The following PARD3B variants were observed in gnomAD, a reference collection of about 807,000 sequenced individuals.
PARD3B encodes par-3 family cell polarity regulator beta, also known as partitioning defective 3 homolog B.
PARD3B carries 103 observed loss-of-function variants against 130.2 expected under a neutral mutation model. That is an observed-to-expected ratio of 0.79 (90% CI 0.67 to 0.93). The LOEUF (loss-of-function observed/expected upper bound fraction) is 0.93. Ranked by LOEUF, PARD3B falls within the 40% of genes least tolerant of loss-of-function variation. The probability of loss-of-function intolerance (pLI) is 0.00; values close to 1 mark genes in which losing one functional copy is unlikely to be tolerated. For missense variants in PARD3B, 1,609 were observed against 1,499.2 expected, an observed-to-expected ratio of 1.07 and a Z score of -1.21; for synonymous variants, 583 against 553.2, an observed-to-expected ratio of 1.05 and a Z score of -0.76.
rs1425769353 is a variant in PARD3B at position 205,617,677 on chromosome 2, T to G, written c.*1864T>G. The G allele has an allele frequency of 6.6e-6, 1 of 152,210 alleles. No individual in the cohort carries two copies. Among genetic ancestry groups the G allele is most frequent in the South Asian group, 2.1e-4 (1 of 4,830 alleles). The allele number at this position is 152,210 out of a possible 1,614,324, so 9.4% of individuals were successfully genotyped here. On this transcript the variant is annotated 3_prime_UTR_variant, in exon 23 of 23. Coordinates refer to ENST00000406610, the MANE Select transcript of PARD3B (RefSeq NM_001302769.2). ...AGGCACCTTTAGAGTGTTTGCAATTTGTTCGAAGTGGTTGAGGATCTCAGG... is the reference window on the plus strand; with the variant it reads ...AGGCACCTTTAGAGTGTTTGCAATTGGTTCGAAGTGGTTGAGGATCTCAGG...
chr2:204,834,342 T>A (rs1464758644), intron 2 of PARD3B, among the ~76,000 whole-genome samples: 1 of 152,136 alleles, frequency 6.6e-6, no homozygotes, highest in Non-Finnish European at 1.5e-5. Flanking sequence ...GGTGTTTGGA[T>A]GGAAGAGGAA....
At chr2:205,163,959 C>CA (rs1457811594) in intron 11 of PARD3B, among the ~76,000 whole-genome samples, 3 of 152,140 alleles carry the variant, frequency 2.0e-5, no homozygotes, top group African/African-American at 7.2e-5. Flanking sequence ...TTACCTCTGG[C>CA]AAAAGGACCA....
chr2:205,403,177 A>ACGTGATTCAAGCCATCCTGTTGCTTACTT (rs2046311380), intron 19 of PARD3B, among the ~76,000 whole-genome samples: 1 of 152,220 alleles, frequency 6.6e-6, no homozygotes, highest in Non-Finnish European at 1.5e-5. Context: ...TGTTTCTTTG[A>ACGTGATTCAAGCCATCCTGTTGCTTACTT]CGTGATTCAA....
Position 205,164,822 on chromosome 2 carries a change from T to TACGCACACACAC in PARD3B, c.1620+5917_1620+5918insGCACACACACAC, listed in dbSNP as rs71409002. 2.2e-4 allele frequency among the ~76,000 whole-genome samples: 33 copies of TACGCACACACAC among 147,352 alleles called. 1 individual carries two copies. Among genetic ancestry groups the TACGCACACACAC allele is most frequent in the Non-Finnish European group, 2.7e-4 (18 of 67,018 alleles). ...GGTACCTATAGGCCATATATATGTA[T>TACGCACACACAC]ACACACACACACACACACACACACA... On this transcript the variant is annotated intron_variant, in intron 11 of 22. Coordinates refer to ENST00000406610, the MANE Select transcript of PARD3B (RefSeq NM_001302769.2).
chr2:204,561,602 T>TC (rs1378547306), intron 1 of PARD3B, among the ~76,000 whole-genome samples: 1 of 151,512 alleles, frequency 6.6e-6, no homozygotes, highest in Non-Finnish European at 1.5e-5. Context: ...GTATTTTTTT[T>TC]TTTTTTTTTT....
chr2:204,951,547 C>T (rs1689772296), intron 2 of PARD3B, among the ~76,000 whole-genome samples: 1 of 152,156 alleles, frequency 6.6e-6, no homozygotes, highest in African/African-American at 2.4e-5. Context: ...TTTAAGTTCA[C>T]TTTGTGTATT....
chr2:204,690,861 T>C (rs1388986130), intron 2 of PARD3B, among the ~76,000 whole-genome samples: 1 of 152,178 alleles, frequency 6.6e-6, no homozygotes, highest in Non-Finnish European at 1.5e-5. Flanking sequence ...CAGGATGAGA[T>C]AAATGCTTTG....
intron 15 of PARD3B, among the ~76,000 whole-genome samples, chr2:205,228,741 A>C: frequency 6.6e-6 from 1 of 152,010 alleles, no homozygotes; most frequent in Non-Finnish European, 1.5e-5. Flanking sequence ...AATAACTCTT[A>C]GATTTGCTCT....
chr2:204,804,465 T>C (rs1358325707), intron 2 of PARD3B, among the ~76,000 whole-genome samples: 2 of 152,170 alleles, frequency 1.3e-5, no homozygotes, highest in African/African-American at 2.4e-5. Flanking sequence ...TAAATATACA[T>C]GCACCCAACA....
chr2:204,609,270 T>C (rs1240261581), intron 1 of PARD3B, among the ~76,000 whole-genome samples: 1 of 152,164 alleles, frequency 6.6e-6, no homozygotes, highest in Non-Finnish European at 1.5e-5. Context: ...TATTCTGCAA[T>C]TGGAAAATGG....
At chr2:205,468,813 A>G (rs886859477) in intron 20 of PARD3B, among the ~76,000 whole-genome samples, 1 of 152,128 alleles carries the variant, frequency 6.6e-6, no homozygotes. Flanking sequence ...CCCTACATGC[A>G]TTTCCTTTAA....
chr2:204,844,407 C>A (rs2044380566), intron 2 of PARD3B, among the ~76,000 whole-genome samples: 1 of 151,876 alleles, frequency 6.6e-6, no homozygotes, highest in African/African-American at 2.4e-5. Context: ...TGTAAAAATG[C>A]AAAATTTTAT....
intron 2 of PARD3B, among the ~76,000 whole-genome samples, chr2:204,824,573 C>T: frequency 6.6e-6 from 1 of 152,080 alleles, no homozygotes; most frequent in East Asian, 1.9e-4. Flanking sequence ...ATAGAGCTGC[C>T]AGAACTTCTC....
At chr2:204,980,004 T>C (rs1692529309) in intron 3 of PARD3B, among the ~76,000 whole-genome samples, 1 of 152,140 alleles carries the variant, frequency 6.6e-6, no homozygotes, top group African/African-American at 2.4e-5. Flanking sequence ...TTATGTGCAA[T>C]AAAGAACTTC....
At chr2:205,103,330 C>CATTTTTATTTATGTAAAATAAAT (rs1702944807) in intron 4 of PARD3B, among the ~76,000 whole-genome samples, 4 of 91,302 alleles carry the variant, frequency 4.4e-5, no homozygotes, top group African/African-American at 8.6e-5. Flanking sequence ...GTAAAATAAA[C>CATTTTTATTTATGTAAAATAAAT]ATATTTTTAT....
intron 10 of PARD3B, among the ~76,000 whole-genome samples, chr2:205,135,950 G>A (rs1223030056): frequency 6.6e-6 from 1 of 152,176 alleles, no homozygotes; most frequent in East Asian, 1.9e-4. Context: ...TATCCCAAAT[G>A]TTAAAAAGAC....
At chr2:205,379,785 TG>T (rs1030237833) in intron 18 of PARD3B, among the ~76,000 whole-genome samples, 13 of 151,662 alleles carry the variant, frequency 8.6e-5, no homozygotes, top group Non-Finnish European at 2.9e-5. Flanking sequence ...AATATATGTG[TG>T]GGGCCAGGTG....
At chr2:204,860,729 A>G (rs2045148794) in intron 2 of PARD3B, among the ~76,000 whole-genome samples, 2 of 152,218 alleles carry the variant, frequency 1.3e-5, no homozygotes, top group Non-Finnish European at 2.9e-5. Flanking sequence ...AACTATGCTG[A>G]CTGAATATTT....
At chr2:205,512,784 A>G (rs1261902611) in intron 21 of PARD3B, among the ~76,000 whole-genome samples, 3 of 152,120 alleles carry the variant, frequency 2.0e-5, no homozygotes, top group African/African-American at 7.2e-5. Flanking sequence ...TGTATGAGAA[A>G]GACAATCCCC....
Sources: allele counts gnomAD v4.1 joint callset (sites outside exome capture counted in the v4.1 genomes callset), GRCh38; gene constraint gnomAD v4.1.1; transcripts MANE v1.5; gene names NCBI Gene and HGNC (gene_info 2026-07-23, HGNC 2026-07-21).